The following LTF variants were observed in gnomAD, a reference collection of about 807,000 sequenced individuals.
LTF encodes lactotransferrin.
A neutral mutation model predicts 87.2 loss-of-function variants in LTF; 91 were observed. The observed-to-expected ratio is 1.04, with a 90% CI of 0.88 to 1.24. The LOEUF is 1.24. Among genes scored for constraint, LTF ranks in the 50% most tolerant of loss-of-function variants. The pLI is 0.00. For synonymous variants in LTF, 378 were observed against 356.1 expected (o/e 1.06, Z -0.69); for missense variants, 901 against 904.3 (o/e 1.00, Z 0.05).
chr3:46,482,652 GA>G (rs1559614799), intron 1 of LTF, among the ~76,000 whole-genome samples: 73 of 99,834 alleles, frequency 7.3e-4, no homozygotes, highest in African/African-American at 1.1e-3. Context: ...AAGAAAGAAA[GA>G]AAGAAAGAAG....
Position 46,439,309 on chromosome 3 carries a change from A to T in LTF, c.1895T>A (p.Leu632Ter). ...TGTGGTCCATACCTGTTGGTGGAGC[A>T]ACACCTGTTTCAGGCGTTCCACCTT... The part of the protein sequence containing the change: ...MDKVERLKQV[L>*]LHQQAKFGRN... Residue 632 changes from leucine to a stop codon, truncating the protein, a stop_gained, in exon 15 of 17, where the codon TTG becomes TAG. Coordinates refer to ENST00000231751, the MANE Select transcript of LTF (RefSeq NM_002343.6). LOFTEE classifies it high-confidence loss of function. 6.2e-7 allele frequency: 1 copy of T among 1,612,252 alleles called. No individual in the cohort carries two copies. Among genetic ancestry groups the T allele is most frequent in the Non-Finnish European group, 8.5e-7 (1 of 1,179,098 alleles).
Position 46,455,381 on chromosome 3 carries a change from G to T in LTF, c.561C>A (p.Asn187Lys), listed in dbSNP as rs764664149. 5 of 1,614,242 alleles carry T rather than the reference G, an allele frequency of 3.1e-6. No homozygotes were observed. The highest frequency in any genetic ancestry group is 1.6e-4 in the Middle Eastern group (1 of 6,062). ...CTGTCCCCGCACACAGGCGACACAG[G>T]TTGGGGAACTGTCCTTTATCTGCAC... ...VPGADKGQFP[N>K]LCRLCAGTGE... Residue 187 changes from asparagine (N) to lysine (K), a missense_variant, in exon 5 of 17, where the codon AAC (asparagine) becomes AAA (lysine). Transcript: ENST00000231751.
At chr3:46,482,659 A>AGAAAGAAAGAAAGAAGGAAG (rs1553668626) in intron 1 of LTF, among the ~76,000 whole-genome samples, 9 of 60,246 alleles carry the variant, frequency 1.5e-4, no homozygotes, top group African/African-American at 4.5e-4. Context: ...AAAGAAAGAA[A>AGAAAGAAAGAAAGAAGGAAG]GAAGGAAGGA....
intron 9 of LTF, among the ~76,000 whole-genome samples, chr3:46,447,942 A>G (rs1044567183): frequency 2.6e-5 from 4 of 152,206 alleles, no homozygotes; most frequent in Non-Finnish European, 2.9e-5. Context: ...AGAGAAGTGG[A>G]CAAAGATTTC....
In LTF at chr3:46,441,407, T is replaced by G. The variant is rs768966929; in HGVS notation, c.1723+9A>C. The G allele has an allele frequency of 6.2e-7, 1 of 1,609,282 alleles. No homozygotes were observed. Among genetic ancestry groups the G allele is most frequent in the Non-Finnish European group, 8.5e-7 (1 of 1,177,182 alleles). ...GCTTTGAAGGAGAAAAGGAAACACC[T>G]TCACCTACCATCAGTGTTCTGCAAG... On this transcript the variant is annotated intron_variant, in intron 14 of 16. Transcript: ENST00000231751.
intron 13 of LTF, 99 bp from the exon 14 acceptor site, chr3:46,441,582 A>G (rs1702514955): frequency 2.4e-6 from 2 of 841,716 alleles, no homozygotes; most frequent in Admixed American, 2.1e-5. Context: ...GAAATATGGA[A>G]GTAAACATCT....
At chr3:46,449,460 C>T (rs997057355) in intron 8 of LTF, among the ~76,000 whole-genome samples, 1 of 152,188 alleles carries the variant, frequency 6.6e-6, no homozygotes, top group African/African-American at 2.4e-5. Flanking sequence ...CCCCAGCCCC[C>T]CAGTAGAGAA....
At chr3:46,484,487 G>A (rs1286800840) in intron 1 of LTF, among the ~76,000 whole-genome samples, 1 of 152,076 alleles carries the variant, frequency 6.6e-6, no homozygotes, top group Non-Finnish European at 1.5e-5. Context: ...AGGCCTTAGG[G>A]GCTGTGCTGT....
Position 46,450,597 on chromosome 3 carries a change from C to T in LTF, c.780G>A (p.Lys260=), listed in dbSNP as rs370771144. The change falls in exon 7 of 17, where the codon AAG becomes AAA. Residue 260 remains lysine (K), a synonymous_variant. Coordinates refer to ENST00000231751, the MANE Select transcript of LTF (RefSeq NM_002343.6). The part of the protein sequence containing the change: ...CPDNTRKPVD[K]FKDCHLARVP... ...CCCGGGCCAGATGGCAGTCTTTGAA[C>T]TTGTCCACTGGCTTCCGAGTGTTGT... 1.9e-6 allele frequency: 3 copies of T among 1,614,214 alleles called. No individual in the cohort carries two copies. The East Asian group carries it at 6.7e-5, about 36-fold the overall frequency.
chr3:46,440,771 A>G (rs1330042611), intron 14 of LTF, among the ~76,000 whole-genome samples: 1 of 152,224 alleles, frequency 6.6e-6, no homozygotes, highest in Non-Finnish European at 1.5e-5. Context: ...CAGAATAGCA[A>G]GTCACCTGCT....
upstream of LTF, among the ~76,000 whole-genome samples, chr3:46,466,637 T>A (rs1703219380): frequency 6.6e-6 from 1 of 152,226 alleles, no homozygotes; most frequent in South Asian, 2.1e-4. Context: ...GTCTGAGATT[T>A]GGTGCTAGAA....
At chr3:46,483,030 G>A (rs1703472548) in intron 1 of LTF, among the ~76,000 whole-genome samples, 2 of 152,206 alleles carry the variant, frequency 1.3e-5, no homozygotes. Flanking sequence ...CTCCTCCAAT[G>A]ACTGAGTTCA....
rs1445176584 is a variant in LTF, at chr3:46,459,730, T to G, written c.133A>C (p.Met45Leu). 1 of 1,580,802 alleles carries G rather than the reference T, an allele frequency of 6.3e-7. No homozygotes were observed. The highest frequency in any genetic ancestry group is 1.4e-5 in the African/African-American group (1 of 71,946). Residue 45 changes from methionine to leucine, a missense_variant, in exon 2 of 17, where the codon ATG (methionine) becomes CTG (leucine). Coordinates refer to ENST00000231751, the MANE Select transcript of LTF (RefSeq NM_002343.6). ...ACAGGAGGGCCACGCACTTTTCTCA[T>G]ATTCCTTTGCCATTGGAAGCATTTT... ...ATKCFQWQRN[M>L]RKVRGPPVSC...
upstream of LTF, among the ~76,000 whole-genome samples, chr3:46,466,022 T>C (rs1427580837): frequency 2.0e-5 from 3 of 152,210 alleles, no homozygotes; most frequent in Non-Finnish European, 4.4e-5. Context: ...GAGGATCGCT[T>C]GAGCCCAGGA....
At chr3:46,443,860 G>A (rs1302619738) in intron 12 of LTF, among the ~76,000 whole-genome samples, 1 of 152,214 alleles carries the variant, frequency 6.6e-6, no homozygotes, top group Non-Finnish European at 1.5e-5. Flanking sequence ...CCTTGAGCTG[G>A]GGACTCAGCT....
chr3:46,445,213 A>G, intron 12 of LTF, 68 bp downstream of exon 12: 1 of 1,449,414 alleles, frequency 6.9e-7, no homozygotes, highest in Middle Eastern at 2.4e-4. Flanking sequence ...TCCCTTCCCT[A>G]AGGTTCCACA....
intron 13 of LTF, chr3:46,441,892 T>C (rs1445921173): frequency 2.8e-5 from 4 of 141,074 alleles, no homozygotes. Context: ...GAAACTGTGA[T>C]AGCACCCAGA....
chr3:46,478,913 G>A (rs186346201), intron 1 of LTF, among the ~76,000 whole-genome samples: 123 of 152,328 alleles, frequency 8.1e-4, no homozygotes, highest in Middle Eastern at 3.4e-3. Flanking sequence ...GACACAGTGC[G>A]GCCAGGTAGA....
rs77803321 is a variant in LTF, at chr3:46,477,322, C to A, written c.-319-6856G>T. ...CTTGCCTCTGTGAGGGAGCCCAGGG[C>A]TCCTCCTCCCTCAGCTCTTCTAAGC... is the stretch of plus-strand genomic sequence containing the variant. On this transcript the variant is annotated intron_variant, in intron 1 of 19. Coordinates refer to the LTF transcript ENST00000443496. 6.8e-4 allele frequency among the ~76,000 whole-genome samples: 103 copies of A among 152,368 alleles called. No individual in the cohort carries two copies. In the East Asian group the frequency reaches 0.014, roughly 21 times the overall value.
Sources: allele counts gnomAD v4.1 joint callset (sites outside exome capture counted in the v4.1 genomes callset), GRCh38; gene constraint gnomAD v4.1.1; transcripts MANE v1.5; gene names NCBI Gene and HGNC (gene_info 2026-07-23, HGNC 2026-07-21).